Variants in LTBP1 observed in about 807,000 individuals in gnomAD.
The protein encoded by LTBP1 is latent-transforming growth factor beta-binding protein 1.
In LTBP1, 129 loss-of-function variants were observed where a neutral mutation model predicts 207.6. That is an observed-to-expected ratio of 0.62 (90% CI 0.54 to 0.72). The LOEUF (loss-of-function observed/expected upper bound fraction) is 0.72, where lower values mean the gene tolerates loss of function less well. Ranked by LOEUF, LTBP1 falls within the 30% of genes least tolerant of loss-of-function variation. LTBP1 has a pLI of 0.00. For synonymous variants in LTBP1, 963 were observed against 833.7 expected, an observed-to-expected ratio of 1.16 and a Z score of -2.67; for missense variants, 2,281 against 2,217.2, an observed-to-expected ratio of 1.03 and a Z score of -0.58.
chr2:33,085,506 C>T (rs980899463), intron 3 of LTBP1, among the ~76,000 whole-genome samples: 21 of 152,172 alleles, frequency 1.4e-4, no homozygotes, highest in African/African-American at 4.8e-4. Context: ...TCACATGCAT[C>T]CTTGCCTTAG....
At chr2:33,102,367 G>T (rs2079788433) in intron 3 of LTBP1, among the ~76,000 whole-genome samples, 1 of 152,076 alleles carries the variant, frequency 6.6e-6, no homozygotes, top group African/African-American at 2.4e-5. Flanking sequence ...TCCAAGTCTT[G>T]ACACTTAAAA....
At chr2:33,140,617 T>A (rs1381515538) in intron 5 of LTBP1, among the ~76,000 whole-genome samples, 1 of 151,996 alleles carries the variant, frequency 6.6e-6, no homozygotes, top group Non-Finnish European at 1.5e-5. Flanking sequence ...ACTGAATAAA[T>A]GTCATAATGT....
intron 5 of LTBP1, among the ~76,000 whole-genome samples, chr2:33,181,869 T>G (rs941765054): frequency 1.3e-5 from 2 of 152,104 alleles, no homozygotes; most frequent in Non-Finnish European, 2.9e-5. Flanking sequence ...GTTTTGAGAG[T>G]GGCATGAACT....
intron 2 of LTBP1, among the ~76,000 whole-genome samples, chr2:32,969,219 C>T (rs1680460253): frequency 7.1e-6 from 1 of 140,058 alleles, no homozygotes; most frequent in South Asian, 2.4e-4. Context: ...AGCCATGGCA[C>T]CTGGCCAATT....
At chr2:33,275,307 C>T (rs1006942327) in intron 17 of LTBP1, among the ~76,000 whole-genome samples, 1 of 152,094 alleles carries the variant, frequency 6.6e-6, no homozygotes, top group East Asian at 1.9e-4. Flanking sequence ...AGACAAGATA[C>T]ATTAAATGTT....
At chr2:33,334,913 T>TAAA (rs773724430) in intron 24 of LTBP1, among the ~76,000 whole-genome samples, 1 of 128,260 alleles carries the variant, frequency 7.8e-6, no homozygotes, top group African/African-American at 2.7e-5. Context: ...TACTAAAAAT[T>TAAA]AAAAAAAAAA....
At chr2:33,182,363 T>TA (rs1339990481) in intron 5 of LTBP1, among the ~76,000 whole-genome samples, 5 of 152,008 alleles carry the variant, frequency 3.3e-5, no homozygotes, top group Non-Finnish European at 2.9e-5. Flanking sequence ...GTTTCTTTGT[T>TA]TAAAAAAAGG....
Position 33,363,313 on chromosome 2 carries a change from C to CA in LTBP1, c.4271-74dup. 4 of 1,460,916 alleles carry CA rather than the reference C, an allele frequency of 2.7e-6. No individual in the cohort carries two copies. The South Asian group carries it at 5.0e-5, about 18-fold the overall frequency. 90.5% of individuals were successfully genotyped at this position (1,460,916 alleles called of 1,614,324 possible). On this transcript the variant is annotated intron_variant, in intron 28 of 33. Coordinates refer to ENST00000404816, the MANE Select transcript of LTBP1 (RefSeq NM_206943.4). ...TATTATAATATCTAACTTAAAGCCCCAAATCTGGTTAGACTCTTTTTAATT... is the reference window on the plus strand; with the variant it reads ...TATTATAATATCTAACTTAAAGCCCCAAAATCTGGTTAGACTCTTTTTAATT...
intron 25 of LTBP1, among the ~76,000 whole-genome samples, chr2:33,346,513 G>T (rs1193932245): frequency 6.6e-6 from 1 of 151,732 alleles, no homozygotes; most frequent in Non-Finnish European, 1.5e-5. Flanking sequence ...GTGAAATCCT[G>T]TCTCTACTAA....
intron 19 of LTBP1, among the ~76,000 whole-genome samples, chr2:33,284,019 T>C (rs1344359792): frequency 6.6e-6 from 1 of 152,232 alleles, no homozygotes; most frequent in Non-Finnish European, 1.5e-5. Context: ...CTCTTTCTAT[T>C]GAATGACTTC....
At chr2:33,263,997 T>A (rs9751897) in intron 15 of LTBP1, among the ~76,000 whole-genome samples, 4,334 of 148,938 alleles carry the variant, frequency 0.029, 235 homozygotes, top group African/African-American at 0.1. Context: ...GGTTCATGCC[T>A]GTAATCCCAG....
At chr2:33,348,806 A>G (rs1036401184) in intron 26 of LTBP1, among the ~76,000 whole-genome samples, 1 of 152,194 alleles carries the variant, frequency 6.6e-6, no homozygotes, top group Non-Finnish European at 1.5e-5. Context: ...CTGTAGAGGA[A>G]GGGAGAGTGA....
intron 15 of LTBP1, among the ~76,000 whole-genome samples, chr2:33,271,330 C>A (rs1247792940): frequency 2.0e-5 from 3 of 151,484 alleles, no homozygotes; most frequent in Non-Finnish European, 4.4e-5. Context: ...GTCAACATGT[C>A]TTTCTGCTTT....
At chr2:33,293,852 T>A (rs992366347) in intron 20 of LTBP1, among the ~76,000 whole-genome samples, 1 of 152,136 alleles carries the variant, frequency 6.6e-6, no homozygotes, top group Non-Finnish European at 1.5e-5. Context: ...TACATTCCAT[T>A]CATAACTTTT....
At chr2:33,341,729 A>ATAATATATATATATATAT (rs1553509296) in intron 24 of LTBP1, among the ~76,000 whole-genome samples, 1 of 93,636 alleles carries the variant, frequency 1.1e-5, no homozygotes, top group East Asian at 3.3e-4. Context: ...AAAAAAAAAA[A>ATAATATATATATATATAT]ATATATATAT....
intron 20 of LTBP1, among the ~76,000 whole-genome samples, chr2:33,294,213 T>C (rs1421743066): frequency 2.6e-5 from 4 of 151,894 alleles, no homozygotes; most frequent in African/African-American, 7.2e-5. Context: ...GGGTGTTTTT[T>C]TGAGGTGGAG....
intron 5 of LTBP1, among the ~76,000 whole-genome samples, chr2:33,172,512 C>G (rs189190225): frequency 0.012 from 1,870 of 152,174 alleles, 36 homozygotes; most frequent in African/African-American, 0.043. Context: ...AGCAAGTCCT[C>G]AGTGACCTAC....
intron 15 of LTBP1, among the ~76,000 whole-genome samples, chr2:33,264,564 G>C (rs918761942): frequency 6.6e-6 from 1 of 152,004 alleles, no homozygotes; most frequent in African/African-American, 2.4e-5. Context: ...TAACAATAGA[G>C]AAATGGAAAA....
At position 33,357,617 on chromosome 2, in the gene LTBP1, CAT is replaced by C. The variant is rs149636042; in HGVS notation, c.4001-2978_4001-2977del. Among the ~76,000 whole-genome samples, 118 of 152,234 alleles carry C rather than the reference CAT, an allele frequency of 7.8e-4. 2 individuals are homozygous for C. Among genetic ancestry groups the C allele is most frequent in the African/African-American group, 2.5e-3 (105 of 41,558 alleles). On this transcript the variant is annotated intron_variant, in intron 26 of 33. Transcript: ENST00000404816. The stretch of plus-strand genomic sequence containing the variant: ...CTGTAAAAGTTCCTACAGAAAAAAA[CAT>C]AGAAAATGTCCAAAACCGAACTTTC...
Sources: allele counts gnomAD v4.1 joint callset (sites outside exome capture counted in the v4.1 genomes callset), GRCh38; gene constraint gnomAD v4.1.1; transcripts MANE v1.5; gene names NCBI Gene and HGNC (gene_info 2026-07-23, HGNC 2026-07-21).